The following PDE9A variants were observed in gnomAD, a reference collection of about 807,000 sequenced individuals.
PDE9A encodes the protein phosphodiesterase 9A.
Under a neutral mutation model 87.4 loss-of-function variants are expected in PDE9A, and 60 were observed. The observed-to-expected ratio is 0.69, with a 90% CI of 0.56 to 0.85. The LOEUF is 0.85. Ranked by LOEUF, PDE9A falls within the 40% of genes least tolerant of loss-of-function variation. The pLI, the probability that PDE9A is intolerant of heterozygous loss-of-function variation, is 0.00. For synonymous variants in PDE9A, 272 were observed against 279.4 expected (o/e 0.97, Z 0.27); for missense variants, 665 against 779.0 (o/e 0.85, Z 1.74).
Position 42,669,576 on chromosome 21 carries a change from G to T in PDE9A, c.69+15693G>T, listed in dbSNP as rs1051084811. Among the ~76,000 whole-genome samples the T allele has an allele frequency of 1.1e-4, 17 of 152,286 alleles. No individual in the cohort carries two copies. In the East Asian group the frequency reaches 1.9e-3, roughly 17 times the overall value. ...CCATGGCATGCTTCGGAGCCTCGGC[G>T]TCAAAATGACAACCCACACCCCACT... On this transcript the variant is annotated intron_variant, in intron 1 of 19. Transcript: ENST00000291539.
At chr21:42,725,293 A>C (rs1479438054) in intron 4 of PDE9A, among the ~76,000 whole-genome samples, 1 of 151,640 alleles carries the variant, frequency 6.6e-6, no homozygotes, top group Non-Finnish European at 1.5e-5. Context: ...GCTGGAGTGC[A>C]ATGGCACAAT....
Position 42,702,405 on chromosome 21 carries a change from C to A in PDE9A, c.262+3394C>A, listed in dbSNP as rs966490027. ...TAAATGCTTATACCTCATTATAATTCTGTTTCATGCCATTGTCTGCTGGTT... is the reference window on the plus strand; with the variant it reads ...TAAATGCTTATACCTCATTATAATTATGTTTCATGCCATTGTCTGCTGGTT... On this transcript the variant is annotated intron_variant, in intron 4 of 19. Coordinates refer to ENST00000291539, the MANE Select transcript of PDE9A (RefSeq NM_002606.3). This position sits in a 1 kb window ranked among gnomAD's most constrained non-coding sequence, Gnocchi z 4.9. Among the ~76,000 whole-genome samples, 1 of 152,034 alleles carries A rather than the reference C, an allele frequency of 6.6e-6. No homozygotes were observed. The highest frequency in any genetic ancestry group is 2.4e-5 in the African/African-American group (1 of 41,374).
intron 4 of PDE9A, among the ~76,000 whole-genome samples, chr21:42,717,593 T>C (rs1165008119): frequency 1.3e-5 from 2 of 151,394 alleles, no homozygotes; most frequent in Admixed American, 6.6e-5. Flanking sequence ...GGTTTCACCA[T>C]GTTGGCCAGG....
At chr21:42,733,593 T>G (rs183382914) in intron 7 of PDE9A, 167 bp downstream of exon 7, 84 of 600,548 alleles carry the variant, frequency 1.4e-4, no homozygotes, top group African/African-American at 1.4e-3. Flanking sequence ...GCTAGCACAG[T>G]GACTAACTAA....
At chr21:42,669,254 C>T (rs1483297758) in intron 1 of PDE9A, among the ~76,000 whole-genome samples, 1 of 152,138 alleles carries the variant, frequency 6.6e-6, no homozygotes, top group Non-Finnish European at 1.5e-5. Flanking sequence ...GAGGCTCCCC[C>T]GGAGATTCCC....
At chr21:42,707,196 C>T (rs1033669658) in intron 4 of PDE9A, among the ~76,000 whole-genome samples, 3 of 152,150 alleles carry the variant, frequency 2.0e-5, no homozygotes, top group South Asian at 2.1e-4. Context: ...AAAGTCTAGC[C>T]GTCTTGAAGG....
chr21:42,769,039 A>G lies in PDE9A; in HGVS notation c.1474A>G (p.Lys492Glu). The change falls in exon 17 of 20, where the codon AAG becomes GAG. Residue 492 changes from lysine to glutamate, a missense_variant. Transcript: ENST00000291539. The stretch of plus-strand genomic sequence containing the variant: ...GCATTCCCTGCAGAGCGACCGTGAG[A>G]AGTCAGAAGGCCTTCCTGTGGCACC... ...EEYFMQSDRE[K>E]SEGLPVAPFM... 1 of 1,612,610 alleles carries G rather than the reference A, an allele frequency of 6.2e-7. No individual in the cohort carries two copies. Among genetic ancestry groups the G allele is most frequent in the Non-Finnish European group, 8.5e-7 (1 of 1,178,880 alleles).
At chr21:42,731,404 C>T (rs959664128) in intron 4 of PDE9A, among the ~76,000 whole-genome samples, 1 of 152,094 alleles carries the variant, frequency 6.6e-6, no homozygotes, top group African/African-American at 2.4e-5. Context: ...AGGTAGAGAC[C>T]GCTCCCTTCC....
chr21:42,766,339 G>C (rs933440109), intron 15 of PDE9A, among the ~76,000 whole-genome samples: 1 of 152,122 alleles, frequency 6.6e-6, no homozygotes, highest in Non-Finnish European at 1.5e-5. Context: ...AACAGAGAGA[G>C]AGAGAGGTGC....
chr21:42,761,476 C>T (rs1008943966), intron 13 of PDE9A, among the ~76,000 whole-genome samples: 5 of 152,232 alleles, frequency 3.3e-5, no homozygotes, highest in Admixed American at 6.5e-5. Context: ...CCCCATGTGG[C>T]GGACAAGGTC....
rs2056662215 is a variant in PDE9A, at chr21:42,769,063, C to T, written c.1498C>T (p.Pro500Ser). The T allele has an allele frequency of 5.0e-6, 8 of 1,613,580 alleles. No individual in the cohort carries two copies. The East Asian group carries it at 1.6e-4, about 31-fold the overall frequency. Residue 500 changes from proline to serine, a missense_variant, in exon 17 of 20, where the codon CCG (proline) becomes TCG (serine). By Grantham distance (74) the Pro-to-Ser change is moderately conservative. Transcript: ENST00000291539. The stretch of plus-strand genomic sequence containing the variant: ...GAAGTCAGAAGGCCTTCCTGTGGCA[C>T]CGTTCATGGACCGAGACAAAGTGAC... Reference protein sequence around the residue: ...REKSEGLPVAPFMDRDKVTKA... With the variant: ...REKSEGLPVASFMDRDKVTKA...
intron 19 of PDE9A, among the ~76,000 whole-genome samples, chr21:42,774,741 C>G: frequency 6.6e-6 from 1 of 151,532 alleles, no homozygotes; most frequent in East Asian, 2.0e-4. Flanking sequence ...AATTAGCCAG[C>G]TGTAGTGGCG....
intron 6 of PDE9A, among the ~76,000 whole-genome samples, chr21:42,733,133 A>T (rs2052014798): frequency 6.6e-6 from 1 of 152,176 alleles, no homozygotes; most frequent in Non-Finnish European, 1.5e-5. Context: ...CAACCAGCCC[A>T]GAAAATACAC....
intron 18 of PDE9A, 102 bp downstream of exon 18, chr21:42,770,900 C>A: frequency 2.5e-6 from 2 of 814,518 alleles, no homozygotes; most frequent in Non-Finnish European, 4.2e-6. Flanking sequence ...CAGGGCACCA[C>A]TGAAGGCCCC....
intron 1 of PDE9A, among the ~76,000 whole-genome samples, chr21:42,676,916 G>A (rs1008536897): frequency 1.3e-4 from 20 of 152,226 alleles, no homozygotes; most frequent in African/African-American, 4.6e-4. Context: ...TAAGATGCTC[G>A]AGAGGCTGAG....
chr21:42,663,322 C>T (rs899559375), intron 1 of PDE9A, among the ~76,000 whole-genome samples: 38 of 151,746 alleles, frequency 2.5e-4, no homozygotes, highest in African/African-American at 6.3e-4. Flanking sequence ...GCGCACACAT[C>T]ACACACATGC....
At chr21:42,768,477 G>C in intron 16 of PDE9A, 185 bp downstream of exon 16, 1 of 1,188,104 alleles carries the variant, frequency 8.4e-7, no homozygotes, top group Non-Finnish European at 1.1e-6. Context: ...TTTGAGACCT[G>C]AAAGACAGTA....
chr21:42,760,968 C>A lies in PDE9A; in HGVS notation c.1085+61C>A. 1.8e-6 allele frequency: 2 copies of A among 1,084,996 alleles called. No individual in the cohort carries two copies. The highest frequency in any genetic ancestry group is 1.3e-5 in the South Asian group (1 of 79,570). The allele number at this position is 1,084,996 out of a possible 1,614,324, so 67.2% of individuals were successfully genotyped here. A position where few individuals can be genotyped will look rare whatever the true frequency, so the allele number is the denominator to read the frequency against. On this transcript the variant is annotated intron_variant, in intron 13 of 19. Transcript: ENST00000291539. The surrounding 1 kb of genome is among the most constrained non-coding windows in gnomAD (Gnocchi z 5.2). The stretch of plus-strand genomic sequence containing the variant: ...AGGCACCCTGGCTACTGGAGGGAAC[C>A]TGTCAGCCCAACCCTCAGAGCAGTT...
At chr21:42,769,712 A>G (rs973350558) in intron 17 of PDE9A, among the ~76,000 whole-genome samples, 30 of 149,878 alleles carry the variant, frequency 2.0e-4, no homozygotes, top group Admixed American at 6.6e-5. Context: ...GCACACAGGT[A>G]CACGCAGGCA....
Sources: allele counts gnomAD v4.1 joint callset (sites outside exome capture counted in the v4.1 genomes callset), GRCh38; gene constraint gnomAD v4.1.1; non-coding constraint Gnocchi (gnomAD v3.1); transcripts MANE v1.5; gene names NCBI Gene and HGNC (gene_info 2026-07-23, HGNC 2026-07-21).